The following DLG2 variants were observed in gnomAD, a reference collection of about 807,000 sequenced individuals.
DLG2 encodes discs large MAGUK scaffold protein 2, also known as disks large homolog 2.
In DLG2, 45 loss-of-function variants were observed where a neutral mutation model predicts 132.5. That is an observed-to-expected ratio of 0.34 (90% CI 0.27 to 0.44). DLG2 has a LOEUF of 0.44. Among genes scored for constraint, DLG2 ranks in the 20% least tolerant of loss-of-function variants. DLG2 has a pLI of 1.00. For missense variants in DLG2, 1,045 were observed against 1,196.9 expected, an observed-to-expected ratio of 0.87 and a Z score of 1.87; for synonymous variants, 424 against 419.6, an observed-to-expected ratio of 1.01 and a Z score of -0.13.
At chr11:84,125,301 C>A (rs184858136) in intron 9 of DLG2, among the ~76,000 whole-genome samples, 1 of 152,250 alleles carries the variant, frequency 6.6e-6, no homozygotes. Flanking sequence ...TCCAACCTCA[C>A]ACACACAAGT....
intron 3 of DLG2, among the ~76,000 whole-genome samples, chr11:85,477,944 T>C (rs535196538): frequency 2.8e-4 from 43 of 152,170 alleles, no homozygotes; most frequent in Non-Finnish European, 5.4e-4. Context: ...CAGGTAGAAA[T>C]ATTTAAACTA....
At chr11:85,361,083 C>A (rs977515326) in intron 3 of DLG2, among the ~76,000 whole-genome samples, 3 of 152,034 alleles carry the variant, frequency 2.0e-5, no homozygotes, top group Non-Finnish European at 2.9e-5. Context: ...GTGACTTGTA[C>A]AAGGTCACAC....
chr11:85,005,766 G>T (rs2058602516), intron 6 of DLG2, among the ~76,000 whole-genome samples: 1 of 152,126 alleles, frequency 6.6e-6, no homozygotes, highest in African/African-American at 2.4e-5. Flanking sequence ...ATACTATGTT[G>T]AATAGGAGTG....
In DLG2 at chr11:85,139,241, T is replaced by C. The variant is rs562982004; in HGVS notation, c.282+15315A>G. 4.6e-5 allele frequency among the ~76,000 whole-genome samples: 7 copies of C among 152,262 alleles called. No individual in the cohort carries two copies. In the South Asian group the frequency reaches 1.2e-3, roughly 27 times the overall value. On this transcript the variant is annotated intron_variant, in intron 5 of 27. Transcript: ENST00000376104. Reference sequence around the variant, plus strand: ...CAGTGAGAGCAGGAACCTTATGTTTTGTCCATGGCAATCTCACCAGTGTTT... The same window carrying C: ...CAGTGAGAGCAGGAACCTTATGTTTCGTCCATGGCAATCTCACCAGTGTTT...
intron 7 of DLG2, among the ~76,000 whole-genome samples, chr11:84,415,471 A>G (rs1187393068): frequency 2.0e-5 from 3 of 152,156 alleles, no homozygotes; most frequent in Admixed American, 2.0e-4. Context: ...TTTTTCCCCA[A>G]TTTTATAGAA....
intron 4 of DLG2, among the ~76,000 whole-genome samples, chr11:85,237,047 T>C (rs981995936): frequency 6.6e-6 from 1 of 152,020 alleles, no homozygotes. Context: ...CATGAGACCA[T>C]AACAATCTGC....
Position 84,607,365 on chromosome 11 carries a change from A to C in DLG2, c.358-72634T>G, listed in dbSNP as rs191005369. ...TTCTTCTACCCTGTAAAGTTGAGAA[A>C]GCCACATAAAACCTTCCACTTCTTG... On this transcript the variant is annotated intron_variant, in intron 6 of 27. Transcript: ENST00000376104. Among the ~76,000 whole-genome samples the C allele has an allele frequency of 5.3e-5, 8 of 152,284 alleles. No homozygotes were observed. In the East Asian group the frequency reaches 1.5e-3, roughly 29 times the overall value.
At chr11:83,602,091 G>A (rs1233497682) in intron 19 of DLG2, among the ~76,000 whole-genome samples, 1 of 152,096 alleles carries the variant, frequency 6.6e-6, no homozygotes, top group Admixed American at 6.5e-5. Context: ...AATAAATCAT[G>A]GACAGAGGAA....
At chr11:84,822,127 A>ACTC (rs2077774931) in intron 6 of DLG2, among the ~76,000 whole-genome samples, 1 of 151,692 alleles carries the variant, frequency 6.6e-6, no homozygotes, top group African/African-American at 2.4e-5. Context: ...ATAAGTGGCA[A>ACTC]CTCTGTCACA....
At chr11:85,110,803 A>C (rs2072602905) in intron 6 of DLG2, among the ~76,000 whole-genome samples, 1 of 152,152 alleles carries the variant, frequency 6.6e-6, no homozygotes. Context: ...GATATTTAGG[A>C]AGCTCCACAT....
chr11:84,797,631 T>C (rs563417475), intron 6 of DLG2, among the ~76,000 whole-genome samples: 2 of 152,330 alleles, frequency 1.3e-5, no homozygotes, highest in South Asian at 2.1e-4. Flanking sequence ...TCCTTCTCCG[T>C]ATTTTCTTGA....
At chr11:85,249,841 T>C (rs181934711) in intron 4 of DLG2, among the ~76,000 whole-genome samples, 1 of 152,172 alleles carries the variant, frequency 6.6e-6, no homozygotes, top group South Asian at 2.1e-4. Flanking sequence ...TTCCTTGTAG[T>C]GGGACTTCAT....
chr11:84,462,479 A>C (rs2099082982), intron 7 of DLG2, among the ~76,000 whole-genome samples: 1 of 151,136 alleles, frequency 6.6e-6, no homozygotes, highest in Admixed American at 6.6e-5. Flanking sequence ...TTGGTAGAAG[A>C]AACATTGCCC....
chr11:84,499,184 G>T (rs897648026), intron 7 of DLG2, among the ~76,000 whole-genome samples: 2 of 152,200 alleles, frequency 1.3e-5, no homozygotes, highest in Admixed American at 6.5e-5. Context: ...ACACTACCTA[G>T]ATAATTTACT....
chr11:83,687,963 A>G (rs1379342188), intron 18 of DLG2, among the ~76,000 whole-genome samples: 1 of 151,868 alleles, frequency 6.6e-6, no homozygotes, highest in East Asian at 1.9e-4. Flanking sequence ...AGGTATGGTC[A>G]CGTCACTGCA....
intron 7 of DLG2, among the ~76,000 whole-genome samples, chr11:84,387,829 G>C (rs2098777033): frequency 6.6e-6 from 1 of 152,112 alleles, no homozygotes; most frequent in East Asian, 1.9e-4. Flanking sequence ...TACAAAAACA[G>C]TTCTTCAGAT....
intron 7 of DLG2, among the ~76,000 whole-genome samples, chr11:84,407,298 C>T (rs538651855): frequency 9.9e-5 from 15 of 152,234 alleles, no homozygotes; most frequent in Middle Eastern, 3.4e-3. Context: ...TGGCCAGGGC[C>T]CTGCTAATCC....
intron 7 of DLG2, among the ~76,000 whole-genome samples, chr11:84,378,254 C>T (rs2098736872): frequency 6.6e-6 from 1 of 152,102 alleles, no homozygotes; most frequent in Admixed American, 6.6e-5. Context: ...CTCTTGCTCT[C>T]TGTCTTTCCT....
At chr11:85,506,637 C>T (rs1023231810) in intron 3 of DLG2, among the ~76,000 whole-genome samples, 2,423 of 130,448 alleles carry the variant, frequency 0.019, no homozygotes, top group African/African-American at 0.026. Context: ...TTACTTCCAA[C>T]TATGTGGTTA....
Sources: gnomAD v4.1 joint callset for allele counts (sites outside exome capture counted in the v4.1 genomes callset) on GRCh38, gnomAD v4.1.1 for gene constraint, MANE v1.5 for transcripts, NCBI Gene and HGNC (gene_info 2026-07-23, HGNC 2026-07-21) for gene names.